GPC6: variants seen among roughly 807,000 people sequenced by gnomAD.
The protein encoded by GPC6 is glypican-6.
In GPC6, 14 loss-of-function variants were observed where a neutral mutation model predicts 55.2. The ratio of observed to expected loss-of-function variants is 0.25; its 90% confidence interval spans 0.17 to 0.40. The LOEUF (loss-of-function observed/expected upper bound fraction) is 0.40. Among genes scored for constraint, GPC6 ranks in the 10% least tolerant of loss-of-function variants. GPC6 has a pLI of 1.00. For synonymous variants in GPC6, 278 were observed against 259.6 expected (o/e 1.07, Z -0.68); for missense variants, 641 against 708.5 (o/e 0.90, Z 1.08).
At chr13:94,333,955 G>T (rs780078348) in intron 6 of GPC6, among the ~76,000 whole-genome samples, 4 of 152,172 alleles carry the variant, frequency 2.6e-5, no homozygotes, top group Non-Finnish European at 4.4e-5. Flanking sequence ...AGAGAGAAAG[G>T]TCATTTTAAA....
At chr13:94,120,116 T>C (rs952527990) in intron 4 of GPC6, among the ~76,000 whole-genome samples, 7 of 152,116 alleles carry the variant, frequency 4.6e-5, no homozygotes, top group African/African-American at 1.7e-4. Context: ...TTTCTCAAGC[T>C]TGCAAAATTT....
At chr13:93,918,934 A>G (rs1877424709) in intron 3 of GPC6, among the ~76,000 whole-genome samples, 1 of 152,212 alleles carries the variant, frequency 6.6e-6, no homozygotes, top group Non-Finnish European at 1.5e-5. Context: ...TTGGATATAT[A>G]TCCCATCCAA....
chr13:94,189,424 C>T (rs1407559080), intron 4 of GPC6, among the ~76,000 whole-genome samples: 2 of 152,140 alleles, frequency 1.3e-5, no homozygotes, highest in Non-Finnish European at 2.9e-5. Context: ...GCATGCTCCC[C>T]ACCCTGGGAT....
chr13:93,854,394 C>A (rs967929129), intron 3 of GPC6, among the ~76,000 whole-genome samples: 2 of 151,660 alleles, frequency 1.3e-5, no homozygotes, highest in African/African-American at 2.4e-5. Flanking sequence ...CATGATTCTG[C>A]AAAATGCTAG....
At chr13:94,292,691 C>G (rs770013144) in intron 5 of GPC6, among the ~76,000 whole-genome samples, 5 of 152,096 alleles carry the variant, frequency 3.3e-5, no homozygotes, top group African/African-American at 1.2e-4. Flanking sequence ...TGGGATATCT[C>G]TTTCCCCAAA....
chr13:94,372,869 G>C (rs574355584), intron 6 of GPC6, among the ~76,000 whole-genome samples: 4 of 152,304 alleles, frequency 2.6e-5, no homozygotes, highest in African/African-American at 9.6e-5. Flanking sequence ...GGAGATCTGA[G>C]AATGGGCAGA....
At chr13:93,733,208 T>A (rs1883889707) in intron 2 of GPC6, among the ~76,000 whole-genome samples, 1 of 152,128 alleles carries the variant, frequency 6.6e-6, no homozygotes, top group Admixed American at 6.6e-5. Flanking sequence ...ACTCTCAAAA[T>A]ATGAAAGAAT....
intron 1 of GPC6, among the ~76,000 whole-genome samples, chr13:93,279,923 A>T (rs1219001704): frequency 1.3e-5 from 2 of 152,218 alleles, no homozygotes; most frequent in African/African-American, 4.8e-5. Context: ...TGATCTGTGT[A>T]AATTTCACAA....
chr13:93,248,418 T>A (rs561791452), intron 1 of GPC6, among the ~76,000 whole-genome samples: 4,649 of 149,900 alleles, frequency 0.031, 227 homozygotes, highest in African/African-American at 0.11. Flanking sequence ...TTCTGTACTT[T>A]AAAAGGCCCA....
intron 2 of GPC6, among the ~76,000 whole-genome samples, chr13:93,813,765 C>T (rs1256519797): frequency 1.3e-5 from 2 of 150,768 alleles, no homozygotes; most frequent in African/African-American, 4.9e-5. Context: ...TTAATTTTCT[C>T]ACTTTATAAG....
chr13:93,756,561 G>T (rs948319843), intron 2 of GPC6, among the ~76,000 whole-genome samples: 11 of 152,084 alleles, frequency 7.2e-5, no homozygotes, highest in Non-Finnish European at 1.6e-4. Context: ...CTGGATACTG[G>T]GGTGTTATGT....
intron 4 of GPC6, among the ~76,000 whole-genome samples, chr13:94,179,782 C>A (rs536815861): frequency 6.6e-6 from 1 of 152,234 alleles, no homozygotes; most frequent in South Asian, 2.1e-4. Flanking sequence ...CTATGAAATT[C>A]TCTTTTTTTC....
chr13:93,792,875 C>T (rs763329450), intron 2 of GPC6, among the ~76,000 whole-genome samples: 1 of 152,168 alleles, frequency 6.6e-6, no homozygotes, highest in Non-Finnish European at 1.5e-5. Flanking sequence ...ATATGCCCCA[C>T]ATAAGAAAAA....
chr13:94,039,404 A>T, intron 4 of GPC6, among the ~76,000 whole-genome samples: 1 of 151,928 alleles, frequency 6.6e-6, no homozygotes, highest in East Asian at 1.9e-4. Context: ...GGCAGCAATA[A>T]TGGTAGAGTT....
chr13:93,474,259 G>A (rs1419597819), intron 1 of GPC6, among the ~76,000 whole-genome samples: 1 of 152,140 alleles, frequency 6.6e-6, no homozygotes, highest in Non-Finnish European at 1.5e-5. Flanking sequence ...GTACCTTCCA[G>A]GGTCCAACTT....
At chr13:94,206,627 G>A (rs570701608) in intron 4 of GPC6, among the ~76,000 whole-genome samples, 3 of 152,218 alleles carry the variant, frequency 2.0e-5, no homozygotes, top group South Asian at 4.2e-4. Context: ...GCTGAGGCGA[G>A]CAGATCGCTT....
At chr13:94,129,590 C>T (rs943991462) in intron 4 of GPC6, among the ~76,000 whole-genome samples, 1 of 152,150 alleles carries the variant, frequency 6.6e-6, no homozygotes, top group African/African-American at 2.4e-5. Flanking sequence ...TGGGTAATAG[C>T]TCCTCCTGTT....
intron 3 of GPC6, among the ~76,000 whole-genome samples, chr13:93,904,722 T>G (rs868367942): frequency 3.3e-5 from 5 of 152,016 alleles, no homozygotes; most frequent in African/African-American, 1.2e-4. Context: ...GGTGACAGAG[T>G]GAGGCTGTGT....
At chr13:93,523,634 A>G (rs950961194) in intron 1 of GPC6, among the ~76,000 whole-genome samples, 1 of 151,984 alleles carries the variant, frequency 6.6e-6, no homozygotes, top group Non-Finnish European at 1.5e-5. Context: ...GCCTGATTTT[A>G]CATTTTACAC....
Sources: gnomAD v4.1 joint callset for allele counts (sites outside exome capture counted in the v4.1 genomes callset) on GRCh38, gnomAD v4.1.1 for gene constraint, MANE v1.5 for transcripts, NCBI Gene and HGNC (gene_info 2026-07-23, HGNC 2026-07-21) for gene names.